SPECC1: variants seen among roughly 807,000 people sequenced by gnomAD.
SPECC1 encodes the protein cytospin-B.
In SPECC1, 62 loss-of-function variants were observed where a neutral mutation model predicts 104.1. The ratio of observed to expected loss-of-function variants is 0.60; its 90% confidence interval spans 0.49 to 0.74. The LOEUF is 0.74. Ranked by LOEUF, SPECC1 falls within the 30% of genes least tolerant of loss-of-function variation. The pLI is 0.00. For synonymous variants in SPECC1, 513 were observed against 501.6 expected (o/e 1.02, Z -0.30); for missense variants, 1,306 against 1,310.5 (o/e 1.00, Z 0.05).
At chr17:20,154,130 C>T (rs1163217693) in intron 3 of SPECC1, among the ~76,000 whole-genome samples, 1 of 152,184 alleles carries the variant, frequency 6.6e-6, no homozygotes, top group Non-Finnish European at 1.5e-5. Context: ...CTGCCTGCAG[C>T]CTATACATTG....
chr17:20,162,570 A>C (rs2033266822), intron 3 of SPECC1, among the ~76,000 whole-genome samples: 2 of 152,214 alleles, frequency 1.3e-5, no homozygotes, highest in African/African-American at 4.8e-5. Context: ...TAAAATAGAC[A>C]CACATAGAAA....
chr17:20,071,706 AT>A (rs538159227), intron 1 of SPECC1, among the ~76,000 whole-genome samples: 14 of 152,096 alleles, frequency 9.2e-5, no homozygotes, highest in East Asian at 1.9e-4. Context: ...TGTAAGTAGG[AT>A]TTTTTTTAAC....
intron 13 of SPECC1, among the ~76,000 whole-genome samples, chr17:20,298,522 C>T (rs1350122649): frequency 6.6e-6 from 1 of 152,088 alleles, no homozygotes; most frequent in Admixed American, 6.6e-5. Context: ...GGGCAGACCC[C>T]CATAGCTGGG....
intron 4 of SPECC1, among the ~76,000 whole-genome samples, chr17:20,215,054 T>C (rs1267580693): frequency 6.6e-6 from 1 of 152,226 alleles, no homozygotes; most frequent in African/African-American, 2.4e-5. Flanking sequence ...CAGGCTGCTG[T>C]CAGCAACTGC....
intron 12 of SPECC1, among the ~76,000 whole-genome samples, chr17:20,264,795 T>TA (rs2040162947): frequency 6.6e-6 from 1 of 152,062 alleles, no homozygotes. Context: ...TACATATACA[T>TA]AAAAAGGGCC....
At chr17:20,309,593 C>G (rs1340490486) in intron 14 of SPECC1, among the ~76,000 whole-genome samples, 2 of 145,452 alleles carry the variant, frequency 1.4e-5, no homozygotes, top group East Asian at 3.9e-4. Context: ...CTGTCCCCAT[C>G]TTTATGTCCA....
chr17:20,017,589 C>CAGAA (rs1555589055), intron 1 of SPECC1: 1 of 152,368 alleles, frequency 6.6e-6, no homozygotes, highest in Non-Finnish European at 1.5e-5. Context: ...TGTCCTCTTA[C>CAGAA]TTCTCTCGCC....
intron 3 of SPECC1, among the ~76,000 whole-genome samples, chr17:20,172,913 T>A (rs182951591): frequency 6.6e-6 from 1 of 152,306 alleles, no homozygotes; most frequent in Non-Finnish European, 1.5e-5. Flanking sequence ...GTTGGACTGT[T>A]AGACAAAACT....
intron 12 of SPECC1, among the ~76,000 whole-genome samples, chr17:20,281,936 A>G (rs2040783769): frequency 6.6e-6 from 1 of 152,226 alleles, no homozygotes; most frequent in Admixed American, 6.5e-5. Flanking sequence ...CAGGACGCCA[A>G]GGAAGAACTG....
At chr17:20,201,544 A>T (rs1007141048) in intron 3 of SPECC1, among the ~76,000 whole-genome samples, 1 of 152,188 alleles carries the variant, frequency 6.6e-6, no homozygotes, top group Non-Finnish European at 1.5e-5. Context: ...AGAATAACAA[A>T]TGCCAGTGTG....
chr17:20,149,249 T>A (rs576320873), intron 3 of SPECC1, among the ~76,000 whole-genome samples: 20 of 152,300 alleles, frequency 1.3e-4, no homozygotes, highest in Admixed American at 4.6e-4. Context: ...TGGCATGGTT[T>A]CTCTGCAGAA....
At chr17:20,062,253 C>CAA (rs549906384) in intron 1 of SPECC1, among the ~76,000 whole-genome samples, 5 of 76,072 alleles carry the variant, frequency 6.6e-5, no homozygotes, top group Admixed American at 1.5e-4. Context: ...ACTCTGTCGT[C>CAA]AAAAAAAAAA....
Position 20,205,489 on chromosome 17 carries a change from A to C in SPECC1, c.1440A>C (p.Glu480Asp). 6.2e-7 allele frequency: 1 copy of C among 1,614,154 alleles called. No individual in the cohort carries two copies. The highest frequency in any genetic ancestry group is 8.5e-7 in the Non-Finnish European group (1 of 1,180,016). ...CTGILEQGRF[E>D]REKLLNIQQQ... ...GTATTCTTGAACAGGGCCGCTTTGAAAGAGAGAAGCTACTCAACATTCAGC... is the reference window on the plus strand; with the variant it reads ...GTATTCTTGAACAGGGCCGCTTTGACAGAGAGAAGCTACTCAACATTCAGC... The change falls in exon 4 of 15, where the codon GAA becomes GAC. Residue 480 changes from glutamate (E) to aspartate (D), a missense_variant. Physicochemically the swap from Glu to Asp is conservative, Grantham distance 45. Around this residue, in one of 2 missense-constraint regions of SPECC1, gnomAD observed 1,177 missense variants for 1,139.9 expected, o/e 1.03. Transcript: ENST00000395527.
chr17:20,158,964 G>GT (rs565445737), intron 3 of SPECC1, among the ~76,000 whole-genome samples: 12,536 of 143,482 alleles, frequency 0.087, 593 homozygotes, highest in Admixed American at 0.13. Context: ...TTTTGTTTTT[G>GT]TTTTTTTTTT....
chr17:20,012,896 A>G (rs1414716067), intron 1 of SPECC1, among the ~76,000 whole-genome samples: 1 of 152,084 alleles, frequency 6.6e-6, no homozygotes, highest in Non-Finnish European at 1.5e-5. Flanking sequence ...TTTTGTCTCT[A>G]TGAATTTGCC....
chr17:20,241,192 G>A (rs2039184038), intron 7 of SPECC1, among the ~76,000 whole-genome samples: 1 of 152,172 alleles, frequency 6.6e-6, no homozygotes, highest in Non-Finnish European at 1.5e-5. Flanking sequence ...GCCTAGTTGG[G>A]AAATTCACCT....
chr17:20,233,587 TG>T (rs2038730514), intron 7 of SPECC1, among the ~76,000 whole-genome samples: 1 of 152,232 alleles, frequency 6.6e-6, no homozygotes, highest in African/African-American at 2.4e-5. Flanking sequence ...TTGCCCAGGC[TG>T]GACTCGAACT....
intron 10 of SPECC1, among the ~76,000 whole-genome samples, chr17:20,255,030 G>A (rs7214833): frequency 0.028 from 4,255 of 152,248 alleles, 190 homozygotes; most frequent in African/African-American, 0.096. Flanking sequence ...AGGCTACAGC[G>A]ATTTTGGATG....
At chr17:20,088,056 A>G (rs577075376) in intron 1 of SPECC1, among the ~76,000 whole-genome samples, 1 of 151,910 alleles carries the variant, frequency 6.6e-6, no homozygotes. Flanking sequence ...AGCGGCCCAC[A>G]TGAAGCACAG....
Sources: gnomAD v4.1 joint callset for allele counts (sites outside exome capture counted in the v4.1 genomes callset) on GRCh38, gnomAD v4.1.1 for gene constraint, gnomAD v4.1.1 regional missense constraint, MANE v1.5 for transcripts, NCBI Gene and HGNC (gene_info 2026-07-23, HGNC 2026-07-21) for gene names.